HECW2: variants seen among roughly 807,000 people sequenced by gnomAD.
HECW2 encodes the protein HECT, C2 and WW domain containing E3 ubiquitin protein ligase 2, also known as E3 ubiquitin-protein ligase HECW2.
A neutral mutation model predicts 175.2 loss-of-function variants in HECW2; 61 were observed. The observed-to-expected ratio is 0.35, with a 90% confidence interval of 0.28 to 0.43. HECW2 has a LOEUF of 0.43. HECW2 is among the 20% of genes least tolerant of loss of function. The pLI, the probability that HECW2 is intolerant of heterozygous loss-of-function variation, is 1.00. For missense variants in HECW2, 1,524 were observed against 2,000.5 expected, an observed-to-expected ratio of 0.76 and a Z score of 4.54; for synonymous variants, 671 against 731.0, an observed-to-expected ratio of 0.92 and a Z score of 1.32.
At chr2:196,416,641 C>A (rs187612689) in intron 2 of HECW2, among the ~76,000 whole-genome samples, 1 of 152,196 alleles carries the variant, frequency 6.6e-6, no homozygotes, top group Non-Finnish European at 1.5e-5. Flanking sequence ...CCAAAGGGGA[C>A]AATTGAAGCA....
chr2:196,239,910 T>C (rs1471637979), intron 21 of HECW2: 2 of 152,194 alleles, frequency 1.3e-5, no homozygotes, highest in African/African-American at 4.8e-5. Flanking sequence ...TAGGTAGTAA[T>C]GTTGGTAGGT....
At chr2:196,362,615 G>A (rs1296663395) in intron 2 of HECW2, among the ~76,000 whole-genome samples, 4 of 152,286 alleles carry the variant, frequency 2.6e-5, no homozygotes, top group African/African-American at 7.2e-5. Flanking sequence ...TTTTTCAAAC[G>A]TAATATAGCT....
intron 1 of HECW2, among the ~76,000 whole-genome samples, chr2:196,575,465 G>T (rs1393929680): frequency 6.6e-6 from 1 of 152,052 alleles, no homozygotes; most frequent in East Asian, 1.9e-4. Flanking sequence ...GCACTCCCAT[G>T]TTCAAAGCAG....
chr2:196,348,224 A>G (rs1045909935), intron 2 of HECW2, among the ~76,000 whole-genome samples: 4 of 152,180 alleles, frequency 2.6e-5, no homozygotes, highest in Admixed American at 6.5e-5. Context: ...TCTATTGTTC[A>G]TGGATTTTTT....
At chr2:196,398,546 C>G (rs1261157565) in intron 2 of HECW2, among the ~76,000 whole-genome samples, 1 of 152,118 alleles carries the variant, frequency 6.6e-6, no homozygotes, top group African/African-American at 2.4e-5. Flanking sequence ...TCCAACCAAT[C>G]AAATCCCACC....
chr2:196,498,830 C>T (rs571583068), intron 1 of HECW2, among the ~76,000 whole-genome samples: 1 of 152,298 alleles, frequency 6.6e-6, no homozygotes, highest in Admixed American at 6.5e-5. Flanking sequence ...TCCTCAATTG[C>T]TTCTATAGAA....
chr2:196,306,450 G>T, intron 13 of HECW2, 38 bp downstream of exon 13: 1 of 1,573,178 alleles, frequency 6.4e-7, no homozygotes, highest in South Asian at 1.2e-5. Flanking sequence ...GCTTTGGCCT[G>T]CTGTTTTCCT....
chr2:196,576,635 T>A (rs1690572258), intron 1 of HECW2, among the ~76,000 whole-genome samples: 1 of 152,174 alleles, frequency 6.6e-6, no homozygotes, highest in Non-Finnish European at 1.5e-5. Flanking sequence ...AAATCTAACA[T>A]ACCGCATGAT....
intron 27 of HECW2, 147 bp from the exon 28 acceptor site, chr2:196,216,124 A>G: frequency 1.6e-6 from 1 of 610,954 alleles, no homozygotes. Flanking sequence ...AATAATCACA[A>G]CACAATTCTG....
rs201282224 is a variant in HECW2 at position 196,249,466 on chromosome 2, G to C, written c.3529+4454C>G. Among the ~76,000 whole-genome samples the C allele has an allele frequency of 2.0e-5, 3 of 152,228 alleles. No homozygotes were observed. In the South Asian group the frequency reaches 6.2e-4, roughly 32 times the overall value. On this transcript the variant is annotated intron_variant, in intron 19 of 28. Coordinates refer to ENST00000644978, the MANE Select transcript of HECW2 (RefSeq NM_001348768.2). ...GTCAACGTGCTTGGAATGAGGAAAA[G>C]GGGGAAAGTTTACCAGGTTCCTAGG...
intron 2 of HECW2, among the ~76,000 whole-genome samples, chr2:196,387,873 C>T (rs951971229): frequency 1.3e-5 from 2 of 152,120 alleles, no homozygotes; most frequent in African/African-American, 4.8e-5. Flanking sequence ...CATTTAGCAA[C>T]CTCCGTATTT....
chr2:196,447,247 A>G (rs1202870435), intron 1 of HECW2, among the ~76,000 whole-genome samples: 1 of 152,204 alleles, frequency 6.6e-6, no homozygotes, highest in African/African-American at 2.4e-5. Context: ...TTTTGACCTA[A>G]GTGTTCATGG....
chr2:196,328,615 T>A (rs1446897887), intron 5 of HECW2, among the ~76,000 whole-genome samples: 1 of 152,202 alleles, frequency 6.6e-6, no homozygotes, highest in Non-Finnish European at 1.5e-5. Context: ...TTTTTGTTTG[T>A]TTGTTTGTTT....
intron 1 of HECW2, among the ~76,000 whole-genome samples, chr2:196,464,487 TTCAA>T (rs1451514161): frequency 3.9e-5 from 6 of 152,186 alleles, no homozygotes; most frequent in Non-Finnish European, 8.8e-5. Context: ...AGCTGAGACA[TTCAA>T]TCCTCTTTCT....
At chr2:196,446,350 C>A (rs1003643743) in intron 1 of HECW2, among the ~76,000 whole-genome samples, 2 of 152,188 alleles carry the variant, frequency 1.3e-5, no homozygotes, top group Non-Finnish European at 2.9e-5. Flanking sequence ...ACACTACCTA[C>A]CCCCTTTTCC....
intron 3 of HECW2, among the ~76,000 whole-genome samples, chr2:196,342,933 A>G (rs947679828): frequency 6.9e-6 from 1 of 144,402 alleles, no homozygotes; most frequent in South Asian, 2.2e-4. Context: ...TGTGTAAAGT[A>G]TTAAAGTAAC....
chr2:196,346,598 C>G (rs1017128103), intron 2 of HECW2, among the ~76,000 whole-genome samples: 4 of 152,136 alleles, frequency 2.6e-5, no homozygotes, highest in African/African-American at 9.7e-5. Flanking sequence ...ATGAAACAAG[C>G]CTAGAGTTAA....
At chr2:196,325,452 C>T (rs528065397) in intron 5 of HECW2, among the ~76,000 whole-genome samples, 4 of 152,288 alleles carry the variant, frequency 2.6e-5, no homozygotes, top group South Asian at 4.1e-4. Context: ...GAAGCCAAAC[C>T]TTTAGCACCA....
chr2:196,411,754 T>C lies in HECW2; in HGVS notation c.292+21378A>G, dbSNP rs567412462. Among the ~76,000 whole-genome samples the C allele has an allele frequency of 4.6e-5, 7 of 152,364 alleles. No individual in the cohort carries two copies. In the South Asian group the frequency reaches 8.3e-4, roughly 18 times the overall value. ...GCCTGGATGCGGTGGCTCACGCCTG[T>C]AATCCTAGCACTTTGGGAGGCCGAG... is the stretch of plus-strand genomic sequence containing the variant. On this transcript the variant is annotated intron_variant, in intron 2 of 28. Coordinates refer to ENST00000644978, the MANE Select transcript of HECW2 (RefSeq NM_001348768.2).
Sources: gnomAD v4.1 joint callset for allele counts (sites outside exome capture counted in the v4.1 genomes callset) on GRCh38, gnomAD v4.1.1 for gene constraint, MANE v1.5 for transcripts, NCBI Gene and HGNC (gene_info 2026-07-23, HGNC 2026-07-21) for gene names.